PDZD2: variants seen among roughly 807,000 people sequenced by gnomAD.
PDZD2 encodes PDZ domain containing 2, also known as PDZ domain-containing protein 2.
PDZD2 carries 90 observed loss-of-function variants against 220.7 expected under a neutral mutation model. The observed-to-expected ratio is 0.41, with a 90% CI of 0.34 to 0.49. The LOEUF is 0.49. PDZD2 is among the 20% of genes least tolerant of loss of function. The pLI is 0.28. For synonymous variants in PDZD2, 1,375 were observed against 1,450.5 expected (o/e 0.95, Z 1.18); for missense variants, 3,174 against 3,608.5 (o/e 0.88, Z 3.08).
chr5:31,682,859 CT>C (rs1746703071), intron 1 of PDZD2, among the ~76,000 whole-genome samples: 2 of 152,072 alleles, frequency 1.3e-5, no homozygotes, highest in Non-Finnish European at 1.5e-5. Flanking sequence ...TCCCTTTCCC[CT>C]GACTTTCCAG....
chr5:32,008,366 C>T (rs1057115339), intron 5 of PDZD2, among the ~76,000 whole-genome samples: 16 of 150,982 alleles, frequency 1.1e-4, no homozygotes, highest in Admixed American at 2.6e-4. Flanking sequence ...CTGCAACTTC[C>T]GCCTTCCGGG....
At chr5:31,992,317 T>C (rs1751282046) in intron 3 of PDZD2, among the ~76,000 whole-genome samples, 1 of 152,204 alleles carries the variant, frequency 6.6e-6, no homozygotes, top group African/African-American at 2.4e-5. Context: ...GCCAGTTTTA[T>C]TTGTTAAGTG....
chr5:31,822,606 C>T (rs1755955103), intron 2 of PDZD2: 4 of 1,259,596 alleles, frequency 3.2e-6, no homozygotes, highest in South Asian at 1.2e-5. Flanking sequence ...ACATAGATAC[C>T]ATCCAAAAAT....
chr5:32,090,934 C>T lies in PDZD2; in HGVS notation c.7486C>T (p.Leu2496Phe). 6.2e-7 allele frequency: 1 copy of T among 1,613,994 alleles called. No individual in the cohort carries two copies. The highest frequency in any genetic ancestry group is 8.5e-7 in the Non-Finnish European group (1 of 1,180,024). ...CTTGAGCATGCCTGACCTTGACAAG[C>T]TCTGCAGCGAGGATTACTCAGCAGG... ...RALSMPDLDK[L>F]CSEDYSAGPS... The change falls in exon 20 of 25, where the codon CTC becomes TTC. Residue 2496 changes from leucine (L) to phenylalanine (F), a missense_variant. Transcript: ENST00000438447. This position sits in a 1 kb window ranked among gnomAD's most constrained non-coding sequence, Gnocchi z 4.3.
At chr5:31,653,851 C>A (rs1745444176) in intron 1 of PDZD2, among the ~76,000 whole-genome samples, 1 of 152,168 alleles carries the variant, frequency 6.6e-6, no homozygotes, top group Admixed American at 6.5e-5. Context: ...GTGGCGCGAT[C>A]TCAGCTCACT....
At chr5:31,648,314 A>T (rs559079751) in intron 1 of PDZD2, among the ~76,000 whole-genome samples, 1 of 152,138 alleles carries the variant, frequency 6.6e-6, no homozygotes, top group African/African-American at 2.4e-5. Context: ...GGGATCTCTA[A>T]CCTAACACAA....
In PDZD2 at chr5:32,074,408, C is replaced by A. The variant is rs1156314110; in HGVS notation, c.3302C>A (p.Thr1101Asn). The change falls in exon 18 of 25, where the codon ACT (threonine) becomes AAT (asparagine). Residue 1101 changes from threonine (T) to asparagine (N), a missense_variant. Coordinates refer to ENST00000438447, the MANE Select transcript of PDZD2 (RefSeq NM_178140.4). ...ACAGACACCCAGAGTCCGACGAACA[C>A]TGGGAGCCCCAGTTCCCCCCAGCAG... ...VRTDTQSPTN[T>N]GSPSSPQQKS... 1 of 1,614,194 alleles carries A rather than the reference C, an allele frequency of 6.2e-7. No individual in the cohort carries two copies.
intron 1 of PDZD2, among the ~76,000 whole-genome samples, chr5:31,645,430 A>G (rs1351693243): frequency 6.8e-6 from 1 of 146,774 alleles, no homozygotes; most frequent in South Asian, 2.1e-4. Flanking sequence ...TCTGCCTCCC[A>G]GGTTCAAGTG....
At chr5:32,057,766 C>T (rs1247638947) in intron 11 of PDZD2, 38 bp downstream of exon 11, 1 of 1,460,940 alleles carries the variant, frequency 6.8e-7, no homozygotes, top group East Asian at 2.3e-5. Context: ...ATCCTATTTT[C>T]CTTTCTTTAT....
intron 1 of PDZD2, among the ~76,000 whole-genome samples, chr5:31,778,251 A>G (rs1752828078): frequency 6.6e-6 from 1 of 152,180 alleles, no homozygotes; most frequent in Non-Finnish European, 1.5e-5. Context: ...TGGACCATTC[A>G]GCAGGATGTG....
chr5:32,023,876 G>A (rs62360026), intron 6 of PDZD2, among the ~76,000 whole-genome samples: 78,496 of 152,004 alleles, frequency 0.52, 21,210 homozygotes, highest in Non-Finnish European at 0.61. Flanking sequence ...CAAACAATTC[G>A]TAAGTTTTAA....
At chr5:32,033,265 T>TA (rs757500243) in intron 6 of PDZD2, among the ~76,000 whole-genome samples, 10 of 152,336 alleles carry the variant, frequency 6.6e-5, no homozygotes, top group Middle Eastern at 3.4e-3. Context: ...GGGACTCTCT[T>TA]AGAGTGTGGA....
At chr5:31,898,685 C>G (rs957290351) in intron 2 of PDZD2, among the ~76,000 whole-genome samples, 1 of 152,276 alleles carries the variant, frequency 6.6e-6, no homozygotes, top group East Asian at 1.9e-4. Context: ...CTGAGCCAAC[C>G]CTTTTCCAGC....
At chr5:31,861,878 T>A (rs545597376) in intron 2 of PDZD2, among the ~76,000 whole-genome samples, 17 of 152,138 alleles carry the variant, frequency 1.1e-4, no homozygotes, top group African/African-American at 3.6e-4. Context: ...GTTCCTGTAT[T>A]TTCCGGTCTG....
In PDZD2 at chr5:32,048,634, G is replaced by A; in HGVS notation, c.1615G>A (p.Gly539Ser). 1.2e-6 allele frequency: 2 copies of A among 1,614,144 alleles called. No homozygotes were observed. The highest frequency in any genetic ancestry group is 1.7e-6 in the Non-Finnish European group (2 of 1,180,008). The part of the protein sequence containing the change: ...RIRMLEVSRD[G>S]RKHSLPQLLD... ...CCGGATGTTGGAGGTCTCCCGAGAT[G>A]GCCGGAAACACTCCCTCCCGCAGCT... Residue 539 changes from glycine to serine, a missense_variant, in exon 8 of 25, where the codon GGC becomes AGC. This residue lies in a region of PDZD2 where 632 missense variants were observed against 708.1 expected (regional missense o/e 0.89). Transcript: ENST00000438447.
chr5:31,670,407 G>A (rs1746169330), intron 1 of PDZD2, among the ~76,000 whole-genome samples: 1 of 149,984 alleles, frequency 6.7e-6, no homozygotes, highest in Non-Finnish European at 1.5e-5. Context: ...GTCTTAGTTT[G>A]CGTTTATTTT....
At chr5:32,024,716 A>T (rs77863305) in intron 6 of PDZD2, among the ~76,000 whole-genome samples, 1,838 of 147,702 alleles carry the variant, frequency 0.012, 57 homozygotes, top group African/African-American at 0.043. Flanking sequence ...AGAAAAGGAA[A>T]GAAAGAAACG....
chr5:31,999,467 T>A (rs188771985), intron 4 of PDZD2, among the ~76,000 whole-genome samples: 3 of 151,844 alleles, frequency 2.0e-5, no homozygotes, highest in Non-Finnish European at 4.4e-5. Flanking sequence ...GAGCCAGGAT[T>A]GTGCCACTCC....
chr5:32,039,411 A>T (rs62361260), intron 7 of PDZD2, among the ~76,000 whole-genome samples: 1 of 150,224 alleles, frequency 6.7e-6, no homozygotes, highest in African/African-American at 2.4e-5. Context: ...TCAATGCTCA[A>T]TGTTGCCCAG....
Sources: gnomAD v4.1 joint callset for allele counts (sites outside exome capture counted in the v4.1 genomes callset) on GRCh38, gnomAD v4.1.1 for gene constraint, gnomAD v4.1.1 regional missense constraint, Gnocchi (gnomAD v3.1) non-coding constraint, MANE v1.5 for transcripts, NCBI Gene and HGNC (gene_info 2026-07-23, HGNC 2026-07-21) for gene names.